Variants in CFAP299 observed in about 807,000 individuals in gnomAD.
CFAP299 encodes cilia and flagella associated protein 299.
In CFAP299, 21 loss-of-function variants were observed where a neutral mutation model predicts 27.0. That is an observed-to-expected ratio of 0.78 (90% CI 0.55 to 1.12). The LOEUF (loss-of-function observed/expected upper bound fraction) is 1.12. CFAP299 is among the 50% of genes most tolerant of loss of function. The pLI is 0.00. For synonymous variants in CFAP299, 104 were observed against 98.1 expected (o/e 1.06, Z -0.36); for missense variants, 310 against 276.6 (o/e 1.12, Z -0.86).
At chr4:80,782,078 C>G (rs986711938) in intron 3 of CFAP299, among the ~76,000 whole-genome samples, 2 of 152,094 alleles carry the variant, frequency 1.3e-5, no homozygotes, top group Non-Finnish European at 2.9e-5. Flanking sequence ...TCCCTTTTAG[C>G]CTATGTGTTC....
At chr4:80,778,256 G>A (rs1389926668) in intron 3 of CFAP299, among the ~76,000 whole-genome samples, 1 of 152,084 alleles carries the variant, frequency 6.6e-6, no homozygotes, top group Non-Finnish European at 1.5e-5. Flanking sequence ...TTTAGATACT[G>A]CCTATGCAGA....
At chr4:80,337,285 A>T (rs2109963471) in intron 1 of CFAP299, among the ~76,000 whole-genome samples, 1 of 152,342 alleles carries the variant, frequency 6.6e-6, no homozygotes, top group South Asian at 2.1e-4. Context: ...ACCTAGTATT[A>T]TTAAGAAAGG....
intron 3 of CFAP299, among the ~76,000 whole-genome samples, chr4:80,640,838 G>A (rs1739689337): frequency 6.6e-6 from 1 of 152,160 alleles, no homozygotes. Flanking sequence ...GACAACTTCT[G>A]CAGTTTATCA....
At position 80,572,742 on chromosome 4, in the gene CFAP299, C is replaced by T. The variant is rs1026092665; in HGVS notation, c.243-10351C>T. Among the ~76,000 whole-genome samples the T allele has an allele frequency of 3.9e-5, 6 of 151,942 alleles. 1 individual carries two copies. The highest frequency in any genetic ancestry group is 1.3e-4 in the Admixed American group (2 of 15,264). ...CCATGTTGACCAGGCTGGTCTCAAA[C>T]TCCTGATGTCGTTATCCGCCCACCT... On this transcript the variant is annotated intron_variant, in intron 2 of 5. Transcript: ENST00000358105.
chr4:80,901,330 T>G (rs1734882676), intron 4 of CFAP299, among the ~76,000 whole-genome samples: 1 of 152,126 alleles, frequency 6.6e-6, no homozygotes, highest in African/African-American at 2.4e-5. Context: ...AACAGGATTG[T>G]TTTTCTAGCA....
chr4:80,390,849 AT>A (rs1725406857), intron 2 of CFAP299, among the ~76,000 whole-genome samples: 1 of 145,200 alleles, frequency 6.9e-6, no homozygotes, highest in Non-Finnish European at 1.5e-5. Flanking sequence ...ATATACACAT[AT>A]ATGTATATGT....
At chr4:80,444,069 A>G (rs1253181359) in intron 2 of CFAP299, among the ~76,000 whole-genome samples, 1 of 152,198 alleles carries the variant, frequency 6.6e-6, no homozygotes, top group Admixed American at 6.5e-5. Context: ...GCTCATGGAT[A>G]GGAAAAATCA....
intron 2 of CFAP299, among the ~76,000 whole-genome samples, chr4:80,561,195 G>C (rs774905795): frequency 2.6e-5 from 4 of 152,110 alleles, no homozygotes; most frequent in African/African-American, 9.7e-5. Context: ...AATTCTCCTG[G>C]AACTTGTTCA....
At chr4:80,844,511 T>C (rs556541285) in intron 3 of CFAP299, among the ~76,000 whole-genome samples, 109 of 152,354 alleles carry the variant, frequency 7.2e-4, no homozygotes, top group African/African-American at 2.6e-3. Context: ...CCAGTGACGA[T>C]GAGCATTTTT....
At chr4:80,324,062 G>C in the CFAP299 span, among the ~76,000 whole-genome samples, 1 of 152,104 alleles carries the variant, frequency 6.6e-6, no homozygotes, top group South Asian at 2.1e-4. Flanking sequence ...GTGGTTTGCT[G>C]CTCCTATCAA....
chr4:80,799,724 T>A (rs1228967850), intron 3 of CFAP299, among the ~76,000 whole-genome samples: 1 of 55,624 alleles, frequency 1.8e-5, no homozygotes, highest in Non-Finnish European at 2.9e-5. Context: ...ATATTATATT[T>A]TATAAATATA....
At chr4:80,800,524 A>ATATATTAATATAATATATAATATATTG in intron 3 of CFAP299, among the ~76,000 whole-genome samples, 1 of 11,406 alleles carries the variant, frequency 8.8e-5, no homozygotes, top group South Asian at 4.7e-3. Flanking sequence ...TATAATATAT[A>ATATATTAATATAATATATAATATATTG]ATATATTATA....
chr4:80,609,526 G>T (rs1737856435), intron 3 of CFAP299, among the ~76,000 whole-genome samples: 1 of 151,992 alleles, frequency 6.6e-6, no homozygotes, highest in African/African-American at 2.4e-5. Flanking sequence ...TTTATCAACA[G>T]AATATTTATT....
At chr4:80,402,840 C>T (rs956383802) in intron 2 of CFAP299, among the ~76,000 whole-genome samples, 8 of 152,156 alleles carry the variant, frequency 5.3e-5, no homozygotes, top group African/African-American at 9.7e-5. Context: ...TCATAGAAAT[C>T]ATATGACTGA....
intron 2 of CFAP299, among the ~76,000 whole-genome samples, chr4:80,439,283 G>C (rs891112405): frequency 6.6e-6 from 1 of 152,208 alleles, no homozygotes; most frequent in Non-Finnish European, 1.5e-5. Context: ...AACAGCTCCA[G>C]TCTGCAGCTC....
intron 4 of CFAP299, among the ~76,000 whole-genome samples, chr4:80,934,922 G>T (rs1736813301): frequency 6.6e-6 from 1 of 151,694 alleles, no homozygotes; most frequent in Non-Finnish European, 1.5e-5. Flanking sequence ...TGCTAACTCT[G>T]AGTTTAGCTT....
At chr4:80,877,036 C>T (rs1167466319) in intron 4 of CFAP299, among the ~76,000 whole-genome samples, 1 of 152,136 alleles carries the variant, frequency 6.6e-6, no homozygotes, top group Non-Finnish European at 1.5e-5. Context: ...AGTGTCCCCA[C>T]AGCTTTGTGT....
intron 4 of CFAP299, among the ~76,000 whole-genome samples, chr4:80,881,402 C>G (rs542364539): frequency 1.3e-5 from 2 of 152,308 alleles, no homozygotes; most frequent in South Asian, 4.1e-4. Context: ...AGAGCTCAAT[C>G]CCTGGAAAGG....
At chr4:80,402,505 C>T (rs191084480) in intron 2 of CFAP299, among the ~76,000 whole-genome samples, 9 of 152,108 alleles carry the variant, frequency 5.9e-5, no homozygotes, top group African/African-American at 1.9e-4. Flanking sequence ...TGTAAGCATG[C>T]CTTTCGTCTC....
Sources: gnomAD v4.1 joint callset for allele counts (sites outside exome capture counted in the v4.1 genomes callset) on GRCh38, gnomAD v4.1.1 for gene constraint, MANE v1.5 for transcripts, NCBI Gene and HGNC (gene_info 2026-07-23, HGNC 2026-07-21) for gene names.